PTPRD: variants seen among roughly 807,000 people sequenced by gnomAD.
PTPRD encodes receptor-type tyrosine-protein phosphatase delta.
In PTPRD, 34 loss-of-function variants were observed where a neutral mutation model predicts 214.5. That is an observed-to-expected ratio of 0.16 (90% CI 0.12 to 0.21). PTPRD has a LOEUF of 0.21. PTPRD is among the 10% of genes least tolerant of loss of function. The pLI, the probability that PTPRD is intolerant of heterozygous loss-of-function variation, is 1.00. For synonymous variants in PTPRD, 1,128 were observed against 845.7 expected (o/e 1.33, Z -5.79); for missense variants, 2,545 against 2,398.7 (o/e 1.06, Z -1.27).
At chr9:9,965,458 G>A (rs1216092703) in intron 4 of PTPRD, among the ~76,000 whole-genome samples, 1 of 152,108 alleles carries the variant, frequency 6.6e-6, no homozygotes, top group African/African-American at 2.4e-5. Context: ...AGCACTTGTC[G>A]GGGACAGGAG....
At chr9:8,426,147 C>A (rs749177553) in intron 35 of PTPRD, among the ~76,000 whole-genome samples, 5 of 152,188 alleles carry the variant, frequency 3.3e-5, no homozygotes, top group Admixed American at 6.5e-5. Context: ...AGAGCCACTT[C>A]TGTTGACCAA....
intron 8 of PTPRD, 94 bp downstream of exon 8, chr9:9,574,638 T>G (rs1363812748): frequency 1.3e-5 from 2 of 151,950 alleles, no homozygotes; most frequent in Non-Finnish European, 2.9e-5. Flanking sequence ...TCAAATGACT[T>G]ATTTGAATTT....
At chr9:10,070,939 T>C (rs2097998737) in intron 3 of PTPRD, among the ~76,000 whole-genome samples, 1 of 151,938 alleles carries the variant, frequency 6.6e-6, no homozygotes, top group Non-Finnish European at 1.5e-5. Context: ...TCAGGACAAA[T>C]GGTAATTAGG....
At chr9:8,351,836 G>C (rs2075579098) in intron 39 of PTPRD, among the ~76,000 whole-genome samples, 2 of 149,710 alleles carry the variant, frequency 1.3e-5, no homozygotes, top group South Asian at 2.1e-4. Flanking sequence ...TAGTACACTT[G>C]AGTGGTGTCT....
chr9:9,952,680 G>A (rs945248972), intron 4 of PTPRD, among the ~76,000 whole-genome samples: 20 of 152,138 alleles, frequency 1.3e-4, no homozygotes, highest in African/African-American at 4.8e-4. Flanking sequence ...CATTTTGCCA[G>A]GATAACTATT....
chr9:9,392,324 C>A (rs1409810097), intron 9 of PTPRD, among the ~76,000 whole-genome samples: 5 of 152,170 alleles, frequency 3.3e-5, no homozygotes, highest in African/African-American at 9.7e-5. Flanking sequence ...TATTCACAAC[C>A]TCAAAATGAG....
chr9:8,929,735 A>G (rs1254500449), intron 11 of PTPRD, among the ~76,000 whole-genome samples: 2 of 114,466 alleles, frequency 1.7e-5, no homozygotes, highest in Admixed American at 9.5e-5. Flanking sequence ...ATATATGTGT[A>G]TATATATGTG....
intron 11 of PTPRD, among the ~76,000 whole-genome samples, chr9:8,978,576 C>A (rs2099282431): frequency 6.6e-6 from 1 of 152,070 alleles, no homozygotes; most frequent in Admixed American, 6.6e-5. Flanking sequence ...TGACCAAGTG[C>A]ACGCAGCCTT....
At chr9:10,517,220 G>A (rs1204224471) in intron 2 of PTPRD, among the ~76,000 whole-genome samples, 1 of 151,802 alleles carries the variant, frequency 6.6e-6, no homozygotes, top group Non-Finnish European at 1.5e-5. Context: ...ATCTCCATTT[G>A]TTTGTGTGAT....
At chr9:10,405,121 C>T (rs933621232) in intron 2 of PTPRD, among the ~76,000 whole-genome samples, 1 of 151,602 alleles carries the variant, frequency 6.6e-6, no homozygotes, top group South Asian at 2.1e-4. Flanking sequence ...CGGCATATAA[C>T]TGGCAGGCAA....
chr9:10,378,672 T>G, intron 2 of PTPRD, among the ~76,000 whole-genome samples: 1 of 152,072 alleles, frequency 6.6e-6, no homozygotes, highest in Non-Finnish European at 1.5e-5. Flanking sequence ...TCCATTGGTC[T>G]ATGTGTCTGT....
intron 3 of PTPRD, among the ~76,000 whole-genome samples, chr9:10,070,705 T>A (rs2097990737): frequency 6.6e-6 from 1 of 152,048 alleles, no homozygotes; most frequent in African/African-American, 2.4e-5. Context: ...AATTATGCAG[T>A]CAGTCTTTAC....
At chr9:10,391,137 G>T (rs1403530064) in intron 2 of PTPRD, among the ~76,000 whole-genome samples, 1 of 151,744 alleles carries the variant, frequency 6.6e-6, no homozygotes, top group East Asian at 2.0e-4. Flanking sequence ...CTTTTCTCTG[G>T]ATTGGATGCA....
At chr9:10,003,548 A>C (rs1274933683) in intron 4 of PTPRD, among the ~76,000 whole-genome samples, 1 of 151,734 alleles carries the variant, frequency 6.6e-6, no homozygotes, top group Non-Finnish European at 1.5e-5. Context: ...AAAGAAGAGA[A>C]AGTGCTATTA....
At chr9:10,259,083 C>T (rs1454866851) in intron 3 of PTPRD, among the ~76,000 whole-genome samples, 2 of 151,956 alleles carry the variant, frequency 1.3e-5, no homozygotes, top group East Asian at 3.9e-4. Context: ...AGTGCAGTGG[C>T]GCCATCTCAG....
intron 3 of PTPRD, among the ~76,000 whole-genome samples, chr9:10,157,157 A>C (rs1339580983): frequency 6.6e-6 from 1 of 152,096 alleles, no homozygotes; most frequent in African/African-American, 2.4e-5. Flanking sequence ...ATACATGTGG[A>C]TTTGATTCTG....
intron 3 of PTPRD, among the ~76,000 whole-genome samples, chr9:10,160,531 C>T (rs1403203499): frequency 6.6e-6 from 1 of 151,800 alleles, no homozygotes; most frequent in East Asian, 1.9e-4. Flanking sequence ...TATAATATTC[C>T]TTTATGGTAA....
chr9:9,660,363 G>A (rs910546442), intron 7 of PTPRD, among the ~76,000 whole-genome samples: 1 of 151,956 alleles, frequency 6.6e-6, no homozygotes, highest in Non-Finnish European at 1.5e-5. Context: ...AGGTTAAAGA[G>A]TTATTTCAGC....
chr9:10,557,225 G>T (rs1056355350), intron 2 of PTPRD, among the ~76,000 whole-genome samples: 2 of 152,062 alleles, frequency 1.3e-5, no homozygotes, highest in African/African-American at 4.8e-5. Flanking sequence ...AAAGTCATAA[G>T]CATCTGTTTT....
Sources: gnomAD v4.1 joint callset for allele counts (sites outside exome capture counted in the v4.1 genomes callset) on GRCh38, gnomAD v4.1.1 for gene constraint, MANE v1.5 for transcripts, NCBI Gene and HGNC (gene_info 2026-07-23, HGNC 2026-07-21) for gene names.